Variants in ACOXL observed in about 807,000 individuals in gnomAD.
ACOXL encodes acyl-CoA oxidase like, also known as acyl-coenzyme A oxidase-like protein.
ACOXL carries 70 observed loss-of-function variants against 71.9 expected under a neutral mutation model. The observed-to-expected ratio is 0.97, with a 90% CI of 0.80 to 1.19. The LOEUF (loss-of-function observed/expected upper bound fraction) is 1.19. Ranked by LOEUF, ACOXL falls within the 50% of genes most tolerant of loss-of-function variation. The pLI, the probability that ACOXL is intolerant of heterozygous loss-of-function variation, is 0.00. For synonymous variants in ACOXL, 253 were observed against 281.6 expected (o/e 0.90, Z 1.02); for missense variants, 703 against 736.3 (o/e 0.95, Z 0.52).
At chr2:110,828,748 C>CT (rs945681633) in intron 9 of ACOXL, among the ~76,000 whole-genome samples, 22 of 151,984 alleles carry the variant, frequency 1.4e-4, no homozygotes, top group South Asian at 2.1e-4. Flanking sequence ...CAGTGGTGGG[C>CT]TGGGGGGTGG....
intron 2 of ACOXL, 98 bp from the exon 3 acceptor site, chr2:110,784,634 T>G (rs935130834): frequency 1.1e-6 from 1 of 901,856 alleles, no homozygotes; most frequent in Non-Finnish European, 1.6e-6. Flanking sequence ...TGTTTATTTT[T>G]TATTATAAAA....
At chr2:110,812,913 C>A (rs999374470) in intron 9 of ACOXL, among the ~76,000 whole-genome samples, 3 of 152,148 alleles carry the variant, frequency 2.0e-5, no homozygotes, top group African/African-American at 7.2e-5. Context: ...TGTGTGGAGC[C>A]TCTGTGGTTA....
At position 111,084,233 on chromosome 2, in the gene ACOXL, G is replaced by C. The variant is rs139973594; in HGVS notation, c.1441-8632G>C. On this transcript the variant is annotated intron_variant, in intron 16 of 17. Transcript: ENST00000439055. ...CCAGGGTAGGAGTAGAGGGACTGCT[G>C]TCTTACGGACACAGATCTAAGGAAT... Among the ~76,000 whole-genome samples, 69 of 146,354 alleles carry C rather than the reference G, an allele frequency of 4.7e-4. No individual in the cohort carries two copies. The East Asian group carries it at 0.013, about 28-fold the overall frequency.
intron 14 of ACOXL, among the ~76,000 whole-genome samples, chr2:111,015,819 A>C (rs2064397366): frequency 6.6e-6 from 1 of 152,260 alleles, no homozygotes; most frequent in Admixed American, 6.5e-5. Context: ...CACATGGAAC[A>C]ACATATGTGA....
intron 5 of ACOXL, among the ~76,000 whole-genome samples, chr2:110,797,934 G>A (rs1685471385): frequency 6.6e-6 from 1 of 152,192 alleles, no homozygotes; most frequent in African/African-American, 2.4e-5. Flanking sequence ...ATACATTAAA[G>A]CCAGGCAGGC....
chr2:110,832,431 G>A (rs987644171), intron 9 of ACOXL, among the ~76,000 whole-genome samples: 5 of 151,838 alleles, frequency 3.3e-5, no homozygotes, highest in South Asian at 2.1e-4. Flanking sequence ...CCAGCTACTC[G>A]GGAGGCTGAG....
intron 10 of ACOXL, among the ~76,000 whole-genome samples, chr2:110,865,694 G>A (rs1239146005): frequency 1.3e-5 from 2 of 152,206 alleles, no homozygotes; most frequent in South Asian, 2.1e-4. Context: ...GGCCAGCACT[G>A]CCATGGATTT....
At chr2:110,791,726 G>A (rs62162652) in intron 3 of ACOXL, among the ~76,000 whole-genome samples, 8,730 of 152,204 alleles carry the variant, frequency 0.057, 335 homozygotes, top group African/African-American at 0.092. Context: ...TAGCTGGTCC[G>A]AGCTGCTAGA....
chr2:110,786,419 G>A (rs922499071), intron 3 of ACOXL, among the ~76,000 whole-genome samples: 1 of 152,184 alleles, frequency 6.6e-6, no homozygotes, highest in Non-Finnish European at 1.5e-5. Flanking sequence ...AGCCAGGCAC[G>A]ATCTCTTCCC....
intron 11 of ACOXL, among the ~76,000 whole-genome samples, chr2:110,918,391 C>G (rs2149278737): frequency 6.6e-6 from 1 of 152,268 alleles, no homozygotes; most frequent in Middle Eastern, 3.4e-3. Context: ...TTCCTTACAC[C>G]TTATGCAAAA....
intron 10 of ACOXL, among the ~76,000 whole-genome samples, chr2:110,892,260 A>G (rs1270024458): frequency 1.3e-5 from 2 of 152,182 alleles, no homozygotes; most frequent in Non-Finnish European, 2.9e-5. Flanking sequence ...TAGGCAGACA[A>G]CAGATGGTGG....
intron 3 of ACOXL, among the ~76,000 whole-genome samples, chr2:110,788,844 A>G (rs1327652739): frequency 6.6e-6 from 1 of 152,214 alleles, no homozygotes. Flanking sequence ...AGGAGATGCC[A>G]GGAGGGCATG....
chr2:110,916,510 C>G (rs933340745), intron 11 of ACOXL, among the ~76,000 whole-genome samples: 2 of 151,972 alleles, frequency 1.3e-5, no homozygotes, highest in Non-Finnish European at 2.9e-5. Flanking sequence ...AGTAGAGAAG[C>G]AAGAGCAGAC....
In ACOXL at chr2:111,088,677, C is replaced by A. The variant is rs7585109; in HGVS notation, c.1441-4188C>A. Among the ~76,000 whole-genome samples, 1,297 of 152,196 alleles carry A rather than the reference C, an allele frequency of 8.5e-3. 10 individuals are homozygous for A. Among genetic ancestry groups the A allele is most frequent in the African/African-American group, 0.029 (1,199 of 41,516 alleles). On this transcript the variant is annotated intron_variant, in intron 16 of 17. Coordinates refer to ENST00000439055, the MANE Select transcript of ACOXL (RefSeq NM_001142807.4). ...GGAGAGGATCAGGAAACATAACTATCGGGTACTAGGCTTGGTACATGGGTG... is the reference window on the plus strand; with the variant it reads ...GGAGAGGATCAGGAAACATAACTATAGGGTACTAGGCTTGGTACATGGGTG...
chr2:110,756,142 T>C (rs79527008), intron 1 of ACOXL, among the ~76,000 whole-genome samples: 3 of 152,158 alleles, frequency 2.0e-5, no homozygotes, highest in Admixed American at 2.0e-4. Context: ...CTTTTTTTTT[T>C]CTGAAGCAGA....
chr2:111,082,498 G>A (rs2067978298), intron 16 of ACOXL, among the ~76,000 whole-genome samples: 1 of 152,128 alleles, frequency 6.6e-6, no homozygotes. Context: ...AGTTAGAATG[G>A]CAATCATTAA....
chr2:110,854,161 T>C (rs1692963422), intron 10 of ACOXL, among the ~76,000 whole-genome samples: 3 of 152,104 alleles, frequency 2.0e-5, no homozygotes, highest in Admixed American at 6.6e-5. Context: ...GGGGAGGGTG[T>C]GCCCTGCCCT....
At chr2:110,831,006 C>CA (rs1689764527) in intron 9 of ACOXL, among the ~76,000 whole-genome samples, 2 of 152,074 alleles carry the variant, frequency 1.3e-5, no homozygotes, top group Non-Finnish European at 2.9e-5. Flanking sequence ...AGAACATCTA[C>CA]AAAAAACCTA....
intron 2 of ACOXL, among the ~76,000 whole-genome samples, chr2:110,779,269 G>C (rs1307911403): frequency 2.0e-5 from 3 of 152,222 alleles, no homozygotes; most frequent in Non-Finnish European, 4.4e-5. Context: ...GATCTGTGCA[G>C]CTGGCCTACT....
Sources: gnomAD v4.1 joint callset for allele counts (sites outside exome capture counted in the v4.1 genomes callset) on GRCh38, gnomAD v4.1.1 for gene constraint, MANE v1.5 for transcripts, NCBI Gene and HGNC (gene_info 2026-07-23, HGNC 2026-07-21) for gene names.